PPARG: variants seen among roughly 807,000 people sequenced by gnomAD.
PPARG encodes peroxisome proliferator activated receptor gamma.
In PPARG, 17 loss-of-function variants were observed where a neutral mutation model predicts 39.2. The observed-to-expected ratio is 0.43, with a 90% CI of 0.30 to 0.65. PPARG has a LOEUF of 0.65. Among genes scored for constraint, PPARG ranks in the 30% least tolerant of loss-of-function variants. The probability of loss-of-function intolerance (pLI) is 0.13; values close to 1 mark genes in which losing one functional copy is unlikely to be tolerated. For missense variants in PPARG, 406 were observed against 585.9 expected (o/e 0.69, Z 3.17); for synonymous variants, 223 against 215.7 (o/e 1.03, Z -0.30).
At chr3:12,292,816 C>T (rs866228337) in intron 1 of PPARG, among the ~76,000 whole-genome samples, 38 of 152,190 alleles carry the variant, frequency 2.5e-4, no homozygotes, top group African/African-American at 9.1e-4. Context: ...GCGTGGGCCC[C>T]GGGGGCTGAG....
intron 7 of PPARG, among the ~76,000 whole-genome samples, chr3:12,432,713 A>T (rs910286316): frequency 1.3e-5 from 2 of 152,226 alleles, no homozygotes; most frequent in African/African-American, 4.8e-5. Context: ...CATTGCTGAT[A>T]TAATTATCTA....
At chr3:12,353,340 G>A (rs1318411764) in intron 2 of PPARG, among the ~76,000 whole-genome samples, 1 of 152,124 alleles carries the variant, frequency 6.6e-6, no homozygotes, top group African/African-American at 2.4e-5. Flanking sequence ...AAAAATGTGA[G>A]CTCCTAAAGG....
chr3:12,374,570 G>T (rs4135319), intron 2 of PPARG, among the ~76,000 whole-genome samples: 2,668 of 152,210 alleles, frequency 0.018, 79 homozygotes, highest in African/African-American at 0.06. Context: ...CTGCATTCCA[G>T]CCTGGGTGAC....
In PPARG at chr3:12,379,862, A is replaced by G; in HGVS notation, c.151A>G (p.Ile51Val). The part of the protein sequence containing the change: ...SSISTPHYED[I>V]PFTRTDPVVA... Reference sequence around the variant, plus strand: ...CATTTCTACTCCACATTACGAAGACATTCCATTCACAAGAACAGATCCAGT... The same window carrying G: ...CATTTCTACTCCACATTACGAAGACGTTCCATTCACAAGAACAGATCCAGT... The change falls in exon 3 of 8, where the codon ATT (isoleucine) becomes GTT (valine). Residue 51 changes from isoleucine (I) to valine (V), a missense_variant. Coordinates refer to ENST00000651735, the MANE Select transcript of PPARG (RefSeq NM_138711.6). 6.2e-7 allele frequency: 1 copy of G among 1,613,950 alleles called. No individual in the cohort carries two copies. The highest frequency in any genetic ancestry group is 8.5e-7 in the Non-Finnish European group (1 of 1,179,846).
At chr3:12,381,808 T>G (rs545861693) in intron 4 of PPARG, among the ~76,000 whole-genome samples, 1 of 152,322 alleles carries the variant, frequency 6.6e-6, no homozygotes, top group East Asian at 1.9e-4. Flanking sequence ...TGATCTAATT[T>G]AATCCTTGCA....
intron 3 of PPARG, among the ~76,000 whole-genome samples, chr3:12,380,751 A>G (rs185804059): frequency 6.6e-6 from 1 of 152,196 alleles, no homozygotes; most frequent in African/African-American, 2.4e-5. Context: ...GGTAGGGCTT[A>G]CTTCCATAAG....
chr3:12,426,693 G>A (rs1188726303), intron 7 of PPARG, among the ~76,000 whole-genome samples: 4 of 152,188 alleles, frequency 2.6e-5, no homozygotes, highest in Non-Finnish European at 5.9e-5. Context: ...AGTTTACAGA[G>A]CAGTAATGAA....
intron 2 of PPARG, among the ~76,000 whole-genome samples, chr3:12,375,112 C>A (rs1451811748): frequency 6.6e-6 from 1 of 152,118 alleles, no homozygotes; most frequent in East Asian, 1.9e-4. Flanking sequence ...TTTGGCTGGG[C>A]ACAGTGGCTC....
rs539812487 is a variant in PPARG, at chr3:12,292,011, A to G, written c.-83+2877A>G. ...AGCTGATATTCTGAAAAGAACCTTC[A>G]TGAATATCTATGTCATAGCTAACTC... On this transcript the variant is annotated intron_variant, in intron 1 of 7. Coordinates refer to ENST00000651735, the MANE Select transcript of PPARG (RefSeq NM_138711.6). Among the ~76,000 whole-genome samples the G allele has an allele frequency of 3.3e-4, 50 of 152,350 alleles. 1 individual carries two copies. The East Asian group carries it at 6.4e-3, about 19-fold the overall frequency.
Position 12,427,382 on chromosome 3 carries a change from A to G in PPARG, c.1181-6516A>G, listed in dbSNP as rs543423459. ...AACCCCAAACGTGTCTGCATCAGGC[A>G]TTATTTTTCTTGAGCTCCTGAATTT... On this transcript the variant is annotated intron_variant, in intron 7 of 7. Coordinates refer to ENST00000651735, the MANE Select transcript of PPARG (RefSeq NM_138711.6). Among the ~76,000 whole-genome samples, 28 of 152,308 alleles carry G rather than the reference A, an allele frequency of 1.8e-4. 2 individuals carry two copies. In the South Asian group the frequency reaches 5.2e-3, roughly 28 times the overall value.
Position 12,320,809 on chromosome 3 carries a change from G to A in PPARG, c.-9+8356G>A, listed in dbSNP as rs117758975. On this transcript the variant is annotated intron_variant, in intron 2 of 7. Coordinates refer to ENST00000651735, the MANE Select transcript of PPARG (RefSeq NM_138711.6). ...GCAGGAGGATCACTTGAGCAGGGAG[G>A]TCAAGGCTGCAGTGAGCCATAATTG... Among the ~76,000 whole-genome samples the A allele has an allele frequency of 5.4e-4, 83 of 152,302 alleles. 1 individual carries two copies. The East Asian group carries it at 0.014, about 26-fold the overall frequency.
At chr3:12,349,811 TG>T (rs1425969356) in intron 2 of PPARG, among the ~76,000 whole-genome samples, 1 of 152,204 alleles carries the variant, frequency 6.6e-6, no homozygotes, top group African/African-American at 2.4e-5. Flanking sequence ...AATAATAAAT[TG>T]TTAAAATATG....
chr3:12,406,429 C>T, intron 6 of PPARG: 2 of 329,774 alleles, frequency 6.1e-6, no homozygotes, highest in South Asian at 5.5e-5. Context: ...CAGCAATATT[C>T]ATTCAAGCAG....
At chr3:12,319,783 A>G (rs1232567759) in intron 2 of PPARG, among the ~76,000 whole-genome samples, 1 of 151,878 alleles carries the variant, frequency 6.6e-6, no homozygotes, top group Non-Finnish European at 1.5e-5. Context: ...CTGAGTTACT[A>G]CTGTCTTTCC....
intron 1 of PPARG, among the ~76,000 whole-genome samples, chr3:12,293,606 G>A (rs996629600): frequency 6.6e-6 from 1 of 152,144 alleles, no homozygotes. Flanking sequence ...TGATTACTGT[G>A]TATAGTCTTA....
intron 5 of PPARG, among the ~76,000 whole-genome samples, chr3:12,405,090 G>T (rs1005822374): frequency 2.6e-5 from 4 of 152,186 alleles, no homozygotes; most frequent in African/African-American, 9.6e-5. Context: ...ATAATATTTT[G>T]CTGAACATAT....
rs1049947253 is a variant in PPARG, at chr3:12,406,199, T to C, written c.729+118T>C. 3.7e-6 allele frequency: 4 copies of C among 1,071,462 alleles called. No individual in the cohort carries two copies. The African/African-American group carries it at 6.3e-5, about 17-fold the overall frequency. The allele number at this position is 1,071,462 out of a possible 1,614,324, so 66.4% of individuals were successfully genotyped here. On this transcript the variant is annotated intron_variant, in intron 6 of 7. Transcript: ENST00000651735. ...CACACACAGAATATTGTTCAACTGT[T>C]GGCTGTTAACATATTGCAGGCTGAG...
chr3:12,409,040 G>C (rs2050781178), intron 6 of PPARG, among the ~76,000 whole-genome samples: 1 of 152,184 alleles, frequency 6.6e-6, no homozygotes, highest in Non-Finnish European at 1.5e-5. Flanking sequence ...GCTGCGAAAT[G>C]CTTGATTATG....
At chr3:12,372,836 A>G (rs1005496436) in intron 2 of PPARG, among the ~76,000 whole-genome samples, 1 of 152,224 alleles carries the variant, frequency 6.6e-6, no homozygotes, top group African/African-American at 2.4e-5. Context: ...CGCATTGACT[A>G]TAATAGCATT....
Sources: allele counts gnomAD v4.1 joint callset (sites outside exome capture counted in the v4.1 genomes callset), GRCh38; gene constraint gnomAD v4.1.1; transcripts MANE v1.5; gene names NCBI Gene and HGNC (gene_info 2026-07-23, HGNC 2026-07-21).